Variants in KDM7A observed in about 807,000 individuals in gnomAD.
KDM7A encodes the protein lysine-specific demethylase 7A.
In KDM7A, 28 loss-of-function variants were observed where a neutral mutation model predicts 114.8. That is an observed-to-expected ratio of 0.24 (90% CI 0.18 to 0.33). The LOEUF (loss-of-function observed/expected upper bound fraction) is 0.33, where lower values mean the gene tolerates loss of function less well. Ranked by LOEUF, KDM7A falls within the 10% of genes least tolerant of loss-of-function variation. The pLI is 1.00. For synonymous variants in KDM7A, 423 were observed against 397.8 expected, an observed-to-expected ratio of 1.06 and a Z score of -0.75; for missense variants, 942 against 1,142.5, an observed-to-expected ratio of 0.82 and a Z score of 2.53.
At chr7:140,135,501 C>T in intron 2 of KDM7A, among the ~76,000 whole-genome samples, 1 of 152,084 alleles carries the variant, frequency 6.6e-6, no homozygotes, top group East Asian at 1.9e-4. Context: ...GCGCCCAGCC[C>T]ATAACTCCAT....
intron 10 of KDM7A, among the ~76,000 whole-genome samples, chr7:140,112,505 G>GGA (rs1164323657): frequency 1.3e-5 from 2 of 152,064 alleles, no homozygotes; most frequent in East Asian, 1.9e-4. Context: ...CAACTACTCG[G>GGA]GAGGCTGAGG....
At chr7:140,131,275 T>C (rs559213741) in intron 3 of KDM7A, among the ~76,000 whole-genome samples, 11 of 152,250 alleles carry the variant, frequency 7.2e-5, no homozygotes, top group African/African-American at 2.6e-4. Context: ...ATAAGTGGAG[T>C]TTGTCCCTTT....
chr7:140,138,366 A>G (rs1324536946), intron 2 of KDM7A, among the ~76,000 whole-genome samples: 2 of 152,206 alleles, frequency 1.3e-5, no homozygotes, highest in African/African-American at 4.8e-5. Context: ...CATTTGCACA[A>G]TAACAACATT....
chr7:140,115,050 GC>G (rs1818501613), intron 9 of KDM7A, among the ~76,000 whole-genome samples: 1 of 149,514 alleles, frequency 6.7e-6, no homozygotes, highest in African/African-American at 2.5e-5. Context: ...GGCAGCCCCT[GC>G]TCGGCCAGCC....
In KDM7A at chr7:140,117,471, C is replaced by CGTGT. The variant is rs35717607; in HGVS notation, c.1246+1638_1246+1641dup. Among the ~76,000 whole-genome samples the CGTGT allele has an allele frequency of 6.9e-4, 104 of 149,750 alleles. 1 individual carries two copies. The South Asian group carries it at 7.1e-3, about 10-fold the overall frequency. On this transcript the variant is annotated intron_variant, in intron 9 of 19. Coordinates refer to ENST00000397560, the MANE Select transcript of KDM7A (RefSeq NM_030647.2). Reference sequence around the variant, plus strand: ...CTGTGCATCACCCCAAGGGTAGAGGCGTGTGTGTGTGTGTGTTCGTGGATA... The same window carrying CGTGT: ...CTGTGCATCACCCCAAGGGTAGAGGCGTGTGTGTGTGTGTGTGTGTTCGTGGATA...
chr7:140,093,199 C>T (rs950427030), intron 18 of KDM7A, among the ~76,000 whole-genome samples: 2 of 152,178 alleles, frequency 1.3e-5, no homozygotes, highest in African/African-American at 4.8e-5. Flanking sequence ...TCCATTCCTC[C>T]AGTCACCTCA....
At chr7:140,128,640 T>C (rs1458069186) in intron 4 of KDM7A, among the ~76,000 whole-genome samples, 1 of 152,236 alleles carries the variant, frequency 6.6e-6, no homozygotes, top group Non-Finnish European at 1.5e-5. Flanking sequence ...GAAGTTACAA[T>C]ACTTAGTTAG....
chr7:140,127,281 T>G (rs1818721104), intron 5 of KDM7A, among the ~76,000 whole-genome samples, 161 bp downstream of exon 5: 1 of 152,242 alleles, frequency 6.6e-6, no homozygotes, highest in Non-Finnish European at 1.5e-5. Context: ...ATACATCTTA[T>G]TTCTAAGTAT....
intron 12 of KDM7A, among the ~76,000 whole-genome samples, chr7:140,101,255 T>C (rs1328251594): frequency 6.6e-6 from 1 of 152,198 alleles, no homozygotes; most frequent in Non-Finnish European, 1.5e-5. Flanking sequence ...ATCTCATTAC[T>C]ACCTCCCACT....
At chr7:140,141,016 ATAAAGC>A (rs1410523304) in intron 1 of KDM7A, among the ~76,000 whole-genome samples, 3 of 152,198 alleles carry the variant, frequency 2.0e-5, no homozygotes, top group Non-Finnish European at 4.4e-5. Flanking sequence ...AACCAACAAT[ATAAAGC>A]TAAAAAGTGA....
chr7:140,096,953 C>T lies in KDM7A; in HGVS notation c.2111G>A (p.Arg704Lys), dbSNP rs551261449. Residue 704 changes from arginine to lysine, a missense_variant, in exon 16 of 20, where the codon AGG (arginine) becomes AAG (lysine). Coordinates refer to ENST00000397560, the MANE Select transcript of KDM7A (RefSeq NM_030647.2). ...CTTCTGGCTCTTTTGAAGGAAGTTCCTCATCACATTAGATTCCTCCTTAAA... is the reference window on the plus strand; with the variant it reads ...CTTCTGGCTCTTTTGAAGGAAGTTCTTCATCACATTAGATTCCTCCTTAAA... ...SNFKEESNVMRNFLQKSQKPS... is the reference protein window; with the variant it reads ...SNFKEESNVMKNFLQKSQKPS... 54 of 1,613,712 alleles carry T rather than the reference C, an allele frequency of 3.3e-5. 1 individual carries two copies. In the South Asian group the frequency reaches 5.7e-4, roughly 17 times the overall value.
In KDM7A at chr7:140,096,760, T is replaced by G. The variant is rs1437155828; in HGVS notation, c.2169A>C (p.Glu723Asp). The G allele has an allele frequency of 5.0e-6, 8 of 1,613,604 alleles. No homozygotes were observed. The highest frequency in any genetic ancestry group is 1.3e-5 in the African/African-American group (1 of 75,036). Residue 723 changes from glutamate to aspartate, a missense_variant, in exon 17 of 20, where the codon GAA (glutamate) becomes GAC (aspartate). By Grantham distance (45) the Glu-to-Asp change is conservative. This residue lies in a region of KDM7A where 512 missense variants were observed against 576.6 expected (regional missense o/e 0.89). Coordinates refer to ENST00000397560, the MANE Select transcript of KDM7A (RefSeq NM_030647.2). ...CCTCTGTGCTCGTCGAGGTAGGACA[T>G]TCCCTAAAGAAGAGATGATCCAAAA... is the stretch of plus-strand genomic sequence containing the variant. ...PSRSEIPIKR[E>D]CPTSTSTEEE...
chr7:140,165,860 T>C (rs951633211), intron 1 of KDM7A, among the ~76,000 whole-genome samples: 3 of 151,632 alleles, frequency 2.0e-5, no homozygotes, highest in Admixed American at 1.3e-4. Flanking sequence ...AAAAACAGTA[T>C]GTTGAGTTCC....
Position 140,092,097 on chromosome 7 carries a change from A to G in KDM7A, c.2458-20T>C, listed in dbSNP as rs1318900755. 1 of 1,612,592 alleles carries G rather than the reference A, an allele frequency of 6.2e-7. No individual in the cohort carries two copies. Among genetic ancestry groups the G allele is most frequent in the South Asian group, 1.1e-5 (1 of 91,064 alleles). On this transcript the variant is annotated intron_variant, in intron 18 of 19. Transcript: ENST00000397560. Reference sequence around the variant, plus strand: ...TAGATCCTGAAGGAGGAGGAAGGACATGAGGCTGAATTTTTAGGGTTTAAA... The same window carrying G: ...TAGATCCTGAAGGAGGAGGAAGGACGTGAGGCTGAATTTTTAGGGTTTAAA...
intron 1 of KDM7A, among the ~76,000 whole-genome samples, chr7:140,167,895 T>C (rs1296622064): frequency 1.3e-5 from 2 of 151,928 alleles, no homozygotes; most frequent in Non-Finnish European, 1.5e-5. Context: ...ACCCCTAATA[T>C]GTAAAAAGTC....
At chr7:140,100,721 TATATATATATATATATATATACA>T (rs1818205300) in intron 12 of KDM7A, among the ~76,000 whole-genome samples, 1 of 57,240 alleles carries the variant, frequency 1.7e-5, no homozygotes, top group African/African-American at 7.0e-5. Flanking sequence ...CATATATATA[TATATATATATATATATATATACA>T]TATATATTTT....
chr7:140,159,841 G>T (rs965727797), intron 1 of KDM7A, among the ~76,000 whole-genome samples: 1 of 151,806 alleles, frequency 6.6e-6, no homozygotes, highest in Non-Finnish European at 1.5e-5. Flanking sequence ...GAAATTGAAG[G>T]CCAGGGAAGT....
At chr7:140,130,851 C>CTT (rs574245274) in intron 3 of KDM7A, among the ~76,000 whole-genome samples, 24,411 of 97,242 alleles carry the variant, frequency 0.25, 4,459 homozygotes, top group Non-Finnish European at 0.28. Context: ...TTTAATAAGT[C>CTT]TTTTTTTTTT....
At chr7:140,103,839 C>A (rs1818280221) in intron 11 of KDM7A, among the ~76,000 whole-genome samples, 1 of 152,196 alleles carries the variant, frequency 6.6e-6, no homozygotes, top group Non-Finnish European at 1.5e-5. Flanking sequence ...AATGGGATGG[C>A]TGGGTCAAAT....
Sources: allele counts gnomAD v4.1 joint callset (sites outside exome capture counted in the v4.1 genomes callset), GRCh38; gene constraint gnomAD v4.1.1; regional missense constraint gnomAD v4.1.1; transcripts MANE v1.5; gene names NCBI Gene and HGNC (gene_info 2026-07-23, HGNC 2026-07-21).